Variants in PKIA observed in about 807,000 individuals in gnomAD.
PKIA encodes PKI-alpha.
Under a neutral mutation model 7.6 loss-of-function variants are expected in PKIA, and 4 were observed. The ratio of observed to expected loss-of-function variants is 0.52; its 90% confidence interval spans 0.26 to 1.20. The LOEUF is 1.20. PKIA is among the 50% of genes most tolerant of loss of function. PKIA has a pLI of 0.13. For missense variants in PKIA, 73 were observed against 86.2 expected (o/e 0.85, Z 0.61); for synonymous variants, 21 against 30.7 (o/e 0.68, Z 1.04).
At chr8:78,577,446 T>C (rs928345834) in intron 2 of PKIA, among the ~76,000 whole-genome samples, 2 of 151,806 alleles carry the variant, frequency 1.3e-5, no homozygotes, top group Admixed American at 6.6e-5. Flanking sequence ...CCCTTTGATA[T>C]GAGTTTACCT....
chr8:78,601,836 C>T lies in PKIA; in HGVS notation c.*15C>T. 2 of 1,581,906 alleles carry T rather than the reference C, an allele frequency of 1.3e-6. No individual in the cohort carries two copies. Among genetic ancestry groups the T allele is most frequent in the Non-Finnish European group, 1.7e-6 (2 of 1,151,746 alleles). ...CTGAAAGCTAACACCCCACTTTGAC[C>T]CTCGACCACACCTGAAAATGTCTCA... On this transcript the variant is annotated 3_prime_UTR_variant, in exon 4 of 4. Coordinates refer to ENST00000396418, the MANE Select transcript of PKIA (RefSeq NM_006823.4).
chr8:78,597,173 T>G (rs898291135), intron 2 of PKIA, among the ~76,000 whole-genome samples: 1 of 152,192 alleles, frequency 6.6e-6, no homozygotes. Context: ...GACTCTTTTT[T>G]GGTTCTTTAC....
At chr8:78,586,045 A>G (rs1807943214) in intron 2 of PKIA, among the ~76,000 whole-genome samples, 1 of 152,060 alleles carries the variant, frequency 6.6e-6, no homozygotes, top group Non-Finnish European at 1.5e-5. Context: ...AATCACTAAT[A>G]TCTGACTCTC....
At chr8:78,525,423 G>A (rs1809523552) in intron 1 of PKIA, among the ~76,000 whole-genome samples, 1 of 151,792 alleles carries the variant, frequency 6.6e-6, no homozygotes, top group African/African-American at 2.4e-5. Flanking sequence ...GAGATATGTT[G>A]GAATGACTAT....
chr8:78,601,673 T>C, intron 3 of PKIA, 69 bp from the exon 4 acceptor site: 4 of 1,142,032 alleles, frequency 3.5e-6, no homozygotes, highest in South Asian at 1.3e-5. Context: ...ATATGACATA[T>C]TGACAGTTGG....
At chr8:78,556,724 G>C (rs1409834735) in intron 1 of PKIA, 1 of 152,076 alleles carries the variant, frequency 6.6e-6, no homozygotes, top group African/African-American at 2.4e-5. Flanking sequence ...TAATTTTACT[G>C]TGAAATTTAT....
chr8:78,558,701 A>G (rs1334849308), intron 1 of PKIA, among the ~76,000 whole-genome samples: 1 of 151,846 alleles, frequency 6.6e-6, no homozygotes, highest in Non-Finnish European at 1.5e-5. Context: ...GTGGGGACAC[A>G]GCCAAACCAT....
chr8:78,586,919 A>G (rs1380891812), intron 2 of PKIA, among the ~76,000 whole-genome samples: 1 of 152,204 alleles, frequency 6.6e-6, no homozygotes, highest in African/African-American at 2.4e-5. Context: ...TTTAAATTAT[A>G]TAATCCATAT....
At chr8:78,547,556 A>G (rs1347821956) in intron 1 of PKIA, among the ~76,000 whole-genome samples, 1 of 152,186 alleles carries the variant, frequency 6.6e-6, no homozygotes, top group Admixed American at 6.5e-5. Flanking sequence ...TACCAAAATC[A>G]TTCTGTAAAA....
chr8:78,569,004 G>T (rs1353880742), intron 1 of PKIA, among the ~76,000 whole-genome samples: 4 of 151,934 alleles, frequency 2.6e-5, no homozygotes, highest in African/African-American at 9.7e-5. Context: ...TCAGGAAGGA[G>T]ACTTAAGGAG....
intron 1 of PKIA, among the ~76,000 whole-genome samples, chr8:78,544,579 A>T (rs556249683): frequency 6.6e-6 from 1 of 152,232 alleles, no homozygotes; most frequent in Non-Finnish European, 1.5e-5. Flanking sequence ...TGACATTGAA[A>T]TATAGGTATT....
chr8:78,561,110 G>C (rs1379003503), intron 1 of PKIA, among the ~76,000 whole-genome samples: 1 of 152,134 alleles, frequency 6.6e-6, no homozygotes, highest in Non-Finnish European at 1.5e-5. Context: ...TCTGCTGGTA[G>C]ATCTTTTGCG....
At chr8:78,597,925 G>A (rs1417883637) in intron 2 of PKIA, among the ~76,000 whole-genome samples, 1 of 151,846 alleles carries the variant, frequency 6.6e-6, no homozygotes, top group Admixed American at 6.6e-5. Flanking sequence ...GGAGCTGAAG[G>A]CCATTATCCT....
At chr8:78,526,879 T>A (rs566440551) in intron 1 of PKIA, among the ~76,000 whole-genome samples, 1 of 152,188 alleles carries the variant, frequency 6.6e-6, no homozygotes, top group African/African-American at 2.4e-5. Flanking sequence ...ATGATGACAA[T>A]TTTTGTTGGG....
chr8:78,539,406 G>A (rs1461751036), intron 1 of PKIA, among the ~76,000 whole-genome samples: 9 of 152,072 alleles, frequency 5.9e-5, no homozygotes, highest in African/African-American at 1.9e-4. Context: ...ATTCATAAAT[G>A]ATCTGACTCC....
In PKIA at chr8:78,604,568, G is replaced by T. The variant is rs1050454052; in HGVS notation, c.*2747G>T. On this transcript the variant is annotated 3_prime_UTR_variant, in exon 4 of 4. Coordinates refer to ENST00000396418, the MANE Select transcript of PKIA (RefSeq NM_006823.4). ...TGGGTAATAACACAGATATGAGTAG[G>T]TCACATAAAGTATATCTTTTTTAAA... 5.3e-5 allele frequency: 8 copies of T among 151,812 alleles called. No individual in the cohort carries two copies. Among genetic ancestry groups the T allele is most frequent in the Non-Finnish European group, 1.0e-4 (7 of 67,922 alleles). The allele number at this position is 151,812 out of a possible 1,614,324, so 9.4% of individuals were successfully genotyped here.
chr8:78,540,019 G>A (rs1806636543), intron 1 of PKIA, among the ~76,000 whole-genome samples: 2 of 151,084 alleles, frequency 1.3e-5, no homozygotes, highest in African/African-American at 2.4e-5. Context: ...GGGTCAAGAA[G>A]AAAGAGGAGT....
rs1585862499 is a variant in PKIA at position 78,521,120 on chromosome 8, A to G, written c.-157+4652A>G. Among the ~76,000 whole-genome samples the G allele has an allele frequency of 2.0e-5, 3 of 152,244 alleles. No individual in the cohort carries two copies. The South Asian group carries it at 6.2e-4, about 32-fold the overall frequency. ...GTTTTCCAATCAAAGCCATTTTTACAAAAAAGAAACTGTTCTCAGACTTAA... is the reference window on the plus strand; with the variant it reads ...GTTTTCCAATCAAAGCCATTTTTACGAAAAAGAAACTGTTCTCAGACTTAA... On this transcript the variant is annotated intron_variant, in intron 1 of 3. Transcript: ENST00000396418.
At chr8:78,589,418 C>T (rs1278262376) in intron 2 of PKIA, among the ~76,000 whole-genome samples, 2 of 152,272 alleles carry the variant, frequency 1.3e-5, no homozygotes, top group African/African-American at 2.4e-5. Flanking sequence ...GTACTTCTAA[C>T]ATTTTAAACA....
Sources: gnomAD v4.1 joint callset for allele counts (sites outside exome capture counted in the v4.1 genomes callset) on GRCh38, gnomAD v4.1.1 for gene constraint, MANE v1.5 for transcripts, NCBI Gene and HGNC (gene_info 2026-07-23, HGNC 2026-07-21) for gene names.